The following FOLH1 variants were observed in gnomAD, a reference collection of about 807,000 sequenced individuals.
The protein encoded by FOLH1 is glutamate carboxypeptidase 2.
A neutral mutation model predicts 93.9 loss-of-function variants in FOLH1; 54 were observed. The ratio of observed to expected loss-of-function variants is 0.57; its 90% confidence interval spans 0.46 to 0.72. The LOEUF is 0.72. FOLH1 is among the 30% of genes least tolerant of loss of function. FOLH1 has a pLI of 0.00. For missense variants in FOLH1, 571 were observed against 892.5 expected (o/e 0.64, Z 4.59); for synonymous variants, 249 against 303.6 (o/e 0.82, Z 1.87).
chr11:49,172,058 C>T (rs1277457091), intron 10 of FOLH1, among the ~76,000 whole-genome samples: 1 of 152,080 alleles, frequency 6.6e-6, no homozygotes, highest in Non-Finnish European at 1.5e-5. Context: ...GAGTAGTCAT[C>T]ATCTTAGTAA....
intron 10 of FOLH1, among the ~76,000 whole-genome samples, chr11:49,173,095 T>C (rs550031697): frequency 1.3e-5 from 2 of 152,306 alleles, no homozygotes; most frequent in East Asian, 3.9e-4. Flanking sequence ...TTCATCTTCT[T>C]AGTTGCCAAG....
chr11:49,186,484 A>G (rs769299374), intron 5 of FOLH1, among the ~76,000 whole-genome samples, 160 bp downstream of exon 5: 4 of 152,228 alleles, frequency 2.6e-5, no homozygotes, highest in Non-Finnish European at 4.4e-5. Flanking sequence ...ACCCCGGGAT[A>G]TAACCTAGTA....
chr11:49,162,948 T>C (rs1857889936), intron 13 of FOLH1: 1 of 152,210 alleles, frequency 6.6e-6, no homozygotes, highest in Non-Finnish European at 1.5e-5. Context: ...TGCTTCTTAC[T>C]GTAGGACCTC....
Position 49,200,243 on chromosome 11 carries a change from T to C in FOLH1, c.411+12A>G. 1 of 1,494,858 alleles carries C rather than the reference T, an allele frequency of 6.7e-7. No homozygotes were observed. The highest frequency in any genetic ancestry group is 8.9e-7 in the Non-Finnish European group (1 of 1,118,908). The allele number at this position is 1,494,858 out of a possible 1,614,324, so 92.6% of individuals were successfully genotyped here. A position where few individuals can be genotyped will look rare whatever the true frequency, so the allele number is the denominator to read the frequency against. ...GGGGAATGTTTCTTTTATTTATTTA[T>C]TTATTTTTTACCTCATTTCCATCTT... On this transcript the variant is annotated intron_variant, in intron 3 of 18. Transcript: ENST00000256999.
Position 49,154,262 on chromosome 11 carries a change from A to C in FOLH1, c.1854T>G (p.His618Gln). 6.2e-7 allele frequency: 1 copy of C among 1,613,462 alleles called. No homozygotes were observed. Among genetic ancestry groups the C allele is most frequent in the Non-Finnish European group, 8.5e-7 (1 of 1,179,546 alleles). ...CACTGTATGTCTTCATTTCCTGTGG[A>C]TGTTTCATAGAAATACTGTAGATTT... ...ADKIYSISMK[H>Q]PQEMKTYSVS... The change falls in exon 16 of 19, where the codon CAT (histidine) becomes CAG (glutamine). Residue 618 changes from histidine to glutamine, a missense_variant. His to Gln is a conservative substitution (Grantham distance 24). This residue lies in a region of FOLH1 where 500 missense variants were observed against 822.9 expected (regional missense o/e 0.61). Transcript: ENST00000256999.
chr11:49,158,083 C>A, intron 13 of FOLH1, 40 bp from the exon 14 acceptor site: 1 of 1,506,698 alleles, frequency 6.6e-7, no homozygotes, highest in South Asian at 1.3e-5. Context: ...ACTTACAAAT[C>A]AGATATATTA....
At chr11:49,181,637 G>A (rs1275537001) in intron 7 of FOLH1, among the ~76,000 whole-genome samples, 1 of 151,976 alleles carries the variant, frequency 6.6e-6, no homozygotes, top group Non-Finnish European at 1.5e-5. Flanking sequence ...ACTATTACAA[G>A]TAATGCTAAA....
At chr11:49,168,310 G>A (rs181663272) in intron 12 of FOLH1, among the ~76,000 whole-genome samples, 1 of 148,836 alleles carries the variant, frequency 6.7e-6, no homozygotes, top group Non-Finnish European at 1.5e-5. Context: ...GAGAACAGGA[G>A]AGCAATGGCT....
intron 6 of FOLH1, among the ~76,000 whole-genome samples, chr11:49,184,402 A>G (rs1258755803): frequency 2.0e-5 from 3 of 152,210 alleles, no homozygotes; most frequent in African/African-American, 7.2e-5. Context: ...AAATACCATC[A>G]TTCAAATTTG....
At chr11:49,158,617 C>G (rs968836346) in intron 13 of FOLH1, among the ~76,000 whole-genome samples, 15 of 152,086 alleles carry the variant, frequency 9.9e-5, no homozygotes, top group Admixed American at 9.2e-4. Flanking sequence ...TATATGGGCT[C>G]TTTTATGGAT....
chr11:49,169,175 A>G lies in FOLH1; in HGVS notation c.1372+20T>C, dbSNP rs1565158960. On this transcript the variant is annotated intron_variant, in intron 12 of 18. Coordinates refer to ENST00000256999, the MANE Select transcript of FOLH1 (RefSeq NM_004476.3). Reference sequence around the variant, plus strand: ...TCCTAGTTTAATCACATCTTTTCTTATGAGACCAACGATATTCACCTTCTA... The same window carrying G: ...TCCTAGTTTAATCACATCTTTTCTTGTGAGACCAACGATATTCACCTTCTA... 2.5e-6 allele frequency: 4 copies of G among 1,611,450 alleles called. No individual in the cohort carries two copies. The highest frequency in any genetic ancestry group is 3.4e-6 in the Non-Finnish European group (4 of 1,177,880).
intron 12 of FOLH1, among the ~76,000 whole-genome samples, chr11:49,166,697 T>C (rs1858453081): frequency 1.3e-5 from 2 of 152,208 alleles, no homozygotes; most frequent in Non-Finnish European, 2.9e-5. Flanking sequence ...ATTTGTATTA[T>C]TTGAGAAAGA....
At chr11:49,162,056 ATT>A (rs974738259) in intron 13 of FOLH1, among the ~76,000 whole-genome samples, 2 of 151,768 alleles carry the variant, frequency 1.3e-5, no homozygotes, top group Non-Finnish European at 2.9e-5. Flanking sequence ...TGCCTTTAAC[ATT>A]TTTTCTCTCA....
chr11:49,156,651 G>C (rs1164713962), intron 15 of FOLH1, 66 bp downstream of exon 15: 1 of 1,596,570 alleles, frequency 6.3e-7, no homozygotes, highest in African/African-American at 1.3e-5. Context: ...ACTTTTTGGA[G>C]TCAGAATTAT....
At chr11:49,167,033 A>G (rs963744370) in intron 12 of FOLH1, among the ~76,000 whole-genome samples, 4 of 107,890 alleles carry the variant, frequency 3.7e-5, no homozygotes, top group African/African-American at 1.0e-4. Context: ...AACAATAACA[A>G]CAACAACAAC....
intron 3 of FOLH1, among the ~76,000 whole-genome samples, chr11:49,194,218 T>C (rs1211330573): frequency 2.0e-5 from 3 of 149,312 alleles, no homozygotes; most frequent in East Asian, 3.9e-4. Context: ...TGGAAAGTAA[T>C]GGCTTAGCGT....
At position 49,200,396 on chromosome 11, in the gene FOLH1, A is replaced by G. The variant is rs1206692789; in HGVS notation, c.270T>C (p.Phe90=). The G allele has an allele frequency of 6.2e-7, 1 of 1,613,518 alleles. No homozygotes were observed. Among genetic ancestry groups the G allele is most frequent in the Non-Finnish European group, 8.5e-7 (1 of 1,179,700 alleles). ...GGGATTGAATTTGCTTTGCAAGCTG[A>G]AAGTTTTGTTCTGTTCCTGCTAAAT... The part of the protein sequence containing the change: ...IPHLAGTEQN[F]QLAKQIQSQW... Residue 90 remains phenylalanine (F), a synonymous_variant, in exon 3 of 19, where the codon TTT becomes TTC. Transcript: ENST00000256999.
chr11:49,169,378 A>C lies in FOLH1; in HGVS notation c.1309-120T>G. Reference sequence around the variant, plus strand: ...ATTGAGCTGACCCATATTAACGACAAATTTGACATAAGAAATTCTCATAAA... The same window carrying C: ...ATTGAGCTGACCCATATTAACGACACATTTGACATAAGAAATTCTCATAAA... On this transcript the variant is annotated intron_variant, in intron 11 of 18. Coordinates refer to ENST00000256999, the MANE Select transcript of FOLH1 (RefSeq NM_004476.3). 4 of 833,092 alleles carry C rather than the reference A, an allele frequency of 4.8e-6. No individual in the cohort carries two copies. In the South Asian group the frequency reaches 7.2e-5, roughly 15 times the overall value. The allele number at this position is 833,092 out of a possible 1,614,324, so 51.6% of individuals were successfully genotyped here.
At chr11:49,166,010 A>G (rs2135021061) in intron 12 of FOLH1, among the ~76,000 whole-genome samples, 1 of 152,316 alleles carries the variant, frequency 6.6e-6, no homozygotes, top group South Asian at 2.1e-4. Flanking sequence ...ACATTATACC[A>G]AAAAAGCATG....
Sources: allele counts gnomAD v4.1 joint callset (sites outside exome capture counted in the v4.1 genomes callset), GRCh38; gene constraint gnomAD v4.1.1; regional missense constraint gnomAD v4.1.1; transcripts MANE v1.5; gene names NCBI Gene and HGNC (gene_info 2026-07-23, HGNC 2026-07-21).